Variants in PLCL2 observed in about 807,000 individuals in gnomAD.
PLCL2 encodes the protein phospholipase C like 2.
A neutral mutation model predicts 79.6 loss-of-function variants in PLCL2; 4 were observed. The ratio of observed to expected loss-of-function variants is 0.05; its 90% CI spans 0.02 to 0.11. The LOEUF (loss-of-function observed/expected upper bound fraction) is 0.11. PLCL2 is among the 10% of genes least tolerant of loss of function. The probability of loss-of-function intolerance (pLI) is 1.00; values close to 1 mark genes in which losing one functional copy is unlikely to be tolerated. For missense variants in PLCL2, 895 were observed against 1,291.0 expected, an observed-to-expected ratio of 0.69 and a Z score of 4.70; for synonymous variants, 484 against 457.7, an observed-to-expected ratio of 1.06 and a Z score of -0.73.
chr3:16,915,963 G>T (rs914484944), intron 1 of PLCL2, among the ~76,000 whole-genome samples: 1 of 152,164 alleles, frequency 6.6e-6, no homozygotes. Flanking sequence ...CACCTCAGGA[G>T]GTGATTCACG....
chr3:17,080,617 A>C (rs1337960337), intron 5 of PLCL2, among the ~76,000 whole-genome samples: 1 of 151,978 alleles, frequency 6.6e-6, no homozygotes, highest in Non-Finnish European at 1.5e-5. Flanking sequence ...TGCCTGGCTA[A>C]TTTTTGTATT....
At chr3:17,075,929 G>A (rs775473157) in intron 5 of PLCL2, among the ~76,000 whole-genome samples, 10 of 152,106 alleles carry the variant, frequency 6.6e-5, no homozygotes, top group Non-Finnish European at 1.2e-4. Context: ...CCAATTTATG[G>A]ACATTTGTGT....
At chr3:17,025,513 G>T (rs769361099) in intron 3 of PLCL2, among the ~76,000 whole-genome samples, 3 of 152,132 alleles carry the variant, frequency 2.0e-5, no homozygotes, top group Non-Finnish European at 4.4e-5. Flanking sequence ...AGAAAAAATG[G>T]AATAATTTGG....
intron 5 of PLCL2, among the ~76,000 whole-genome samples, chr3:17,076,944 T>G (rs1052372723): frequency 2.6e-5 from 4 of 152,270 alleles, no homozygotes; most frequent in Non-Finnish European, 5.9e-5. Context: ...GTCATGTTTC[T>G]GTTCATGCTA....
intron 1 of PLCL2, among the ~76,000 whole-genome samples, chr3:16,975,441 C>T (rs563663339): frequency 5.9e-5 from 9 of 152,024 alleles, no homozygotes; most frequent in East Asian, 1.9e-4. Flanking sequence ...GCTTATTAGG[C>T]GCCTTTATTA....
intron 3 of PLCL2, among the ~76,000 whole-genome samples, chr3:17,016,193 T>G (rs188667871): frequency 6.6e-6 from 1 of 152,218 alleles, no homozygotes; most frequent in Non-Finnish European, 1.5e-5. Flanking sequence ...AAACAAAGAT[T>G]CTAGAGAATA....
At chr3:16,892,694 T>G (rs1389906860) in intron 1 of PLCL2, among the ~76,000 whole-genome samples, 1 of 152,184 alleles carries the variant, frequency 6.6e-6, no homozygotes, top group Non-Finnish European at 1.5e-5. Flanking sequence ...AATTCTGCCC[T>G]TTGTTGCAGT....
At chr3:17,049,879 A>G (rs145562766) in intron 4 of PLCL2, among the ~76,000 whole-genome samples, 97 of 152,300 alleles carry the variant, frequency 6.4e-4, no homozygotes, top group African/African-American at 2.3e-3. Context: ...ATTCAAAGCT[A>G]TCTGGAGCAA....
intron 1 of PLCL2, among the ~76,000 whole-genome samples, chr3:16,915,693 C>A (rs1242225383): frequency 6.6e-6 from 1 of 152,100 alleles, no homozygotes; most frequent in Non-Finnish European, 1.5e-5. Flanking sequence ...GTTTTTCCTT[C>A]CAAATTCATC....
chr3:16,985,193 T>G (rs2064036680), intron 1 of PLCL2, among the ~76,000 whole-genome samples: 1 of 152,122 alleles, frequency 6.6e-6, no homozygotes, highest in Admixed American at 6.5e-5. Flanking sequence ...TTCTCTGAAT[T>G]TTAAGGCTGG....
intron 5 of PLCL2, among the ~76,000 whole-genome samples, chr3:17,081,881 T>C (rs1436401115): frequency 3.3e-5 from 5 of 152,180 alleles, no homozygotes; most frequent in Admixed American, 2.6e-4. Context: ...TATTTTGACC[T>C]AAGGTTGTTA....
At chr3:17,026,382 G>T (rs992736310) in intron 3 of PLCL2, among the ~76,000 whole-genome samples, 1 of 152,002 alleles carries the variant, frequency 6.6e-6, no homozygotes, top group Non-Finnish European at 1.5e-5. Context: ...AGATGTTTAG[G>T]GCTAAATGTT....
At chr3:17,016,105 A>G (rs138065661) in intron 3 of PLCL2, among the ~76,000 whole-genome samples, 95 of 152,346 alleles carry the variant, frequency 6.2e-4, no homozygotes, top group African/African-American at 2.2e-3. Context: ...TTTATTTGCT[A>G]TCACCATGAG....
At chr3:16,956,715 T>C (rs2124964796) in intron 1 of PLCL2, among the ~76,000 whole-genome samples, 1 of 152,328 alleles carries the variant, frequency 6.6e-6, no homozygotes, top group Non-Finnish European at 1.5e-5. Flanking sequence ...GAGCCTGTTA[T>C]TGGTCTGTTC....
intron 1 of PLCL2, among the ~76,000 whole-genome samples, chr3:16,992,857 C>T (rs1448638810): frequency 6.6e-6 from 1 of 152,186 alleles, no homozygotes; most frequent in Non-Finnish European, 1.5e-5. Flanking sequence ...ATTCAGCCAC[C>T]ATGCCCAAAG....
intron 1 of PLCL2, among the ~76,000 whole-genome samples, chr3:17,002,168 C>T (rs1201839488): frequency 6.6e-6 from 1 of 152,040 alleles, no homozygotes; most frequent in Non-Finnish European, 1.5e-5. Flanking sequence ...TTTGATTTCA[C>T]TGTTGACATA....
At chr3:16,974,664 C>T (rs886180993) in intron 1 of PLCL2, among the ~76,000 whole-genome samples, 1 of 152,184 alleles carries the variant, frequency 6.6e-6, no homozygotes, top group Non-Finnish European at 1.5e-5. Flanking sequence ...ATCTCTCCTG[C>T]CTGGGTCTTC....
At chr3:16,961,836 C>T (rs2063757926) in intron 1 of PLCL2, among the ~76,000 whole-genome samples, 1 of 152,096 alleles carries the variant, frequency 6.6e-6, no homozygotes, top group Non-Finnish European at 1.5e-5. Context: ...CTTCCCAGGA[C>T]CCAAGGGGGC....
At chr3:17,047,339 T>C (rs2064791208) in intron 4 of PLCL2, among the ~76,000 whole-genome samples, 1 of 152,038 alleles carries the variant, frequency 6.6e-6, no homozygotes, top group Admixed American at 6.5e-5. Flanking sequence ...TTCATGGGCA[T>C]GCCTCAGGCA....
Sources: gnomAD v4.1 joint callset for allele counts (sites outside exome capture counted in the v4.1 genomes callset) on GRCh38, gnomAD v4.1.1 for gene constraint, MANE v1.5 for transcripts, NCBI Gene and HGNC (gene_info 2026-07-23, HGNC 2026-07-21) for gene names.